ABTB3: variants seen among roughly 807,000 people sequenced by gnomAD.
The protein encoded by ABTB3 is ankyrin repeat- and BTB/POZ domain-containing protein 3.
chr12:107,370,472 G>A, the ABTB3 span, among the ~76,000 whole-genome samples: 1 of 152,242 alleles, frequency 6.6e-6, no homozygotes, highest in Non-Finnish European at 1.5e-5. Flanking sequence ...TCAGAGTGTG[G>A]CTCTTGCCTG....
the ABTB3 span, chr12:107,520,464 C>T: frequency 6.2e-7 from 1 of 1,607,360 alleles, no homozygotes; most frequent in Non-Finnish European, 8.5e-7. Context: ...TCCTTTCATT[C>T]TCTGTCTCCC....
chr12:107,352,621 G>A, the ABTB3 span, among the ~76,000 whole-genome samples: 1 of 152,298 alleles, frequency 6.6e-6, no homozygotes, highest in South Asian at 2.1e-4. Context: ...CTACCTGTGA[G>A]AGCGTGCCTT....
chr12:107,384,846 C>T, the ABTB3 span, among the ~76,000 whole-genome samples: 1 of 152,178 alleles, frequency 6.6e-6, no homozygotes, highest in Non-Finnish European at 1.5e-5. Context: ...CTACAGCCTC[C>T]ACTGCAGGAG....
chr12:107,411,427 T>C, the ABTB3 span, among the ~76,000 whole-genome samples: 37 of 152,368 alleles, frequency 2.4e-4, no homozygotes, highest in African/African-American at 8.7e-4. Context: ...GCTGGGGTAT[T>C]ATGTGAATCA....
At chr12:107,381,314 G>A in the ABTB3 span, among the ~76,000 whole-genome samples, 1 of 152,242 alleles carries the variant, frequency 6.6e-6, no homozygotes, top group African/African-American at 2.4e-5. Flanking sequence ...AATGGATGTG[G>A]AGCCTCTGCA....
the ABTB3 span, chr12:107,544,132 G>A: frequency 6.2e-7 from 1 of 1,613,908 alleles, no homozygotes; most frequent in South Asian, 1.1e-5. Context: ...CAACCTCCAG[G>A]TGGAAAGGTA....
the ABTB3 span, among the ~76,000 whole-genome samples, chr12:107,450,480 T>C: frequency 6.6e-6 from 1 of 152,156 alleles, no homozygotes; most frequent in Non-Finnish European, 1.5e-5. Flanking sequence ...GCTTGGGTCC[T>C]GGCAACACAG....
At chr12:107,440,208 C>T in the ABTB3 span, among the ~76,000 whole-genome samples, 7 of 152,214 alleles carry the variant, frequency 4.6e-5, no homozygotes, top group Non-Finnish European at 8.8e-5. Flanking sequence ...ACATAGACTG[C>T]CTGGCTTGTA....
At chr12:107,468,078 C>T in the ABTB3 span, among the ~76,000 whole-genome samples, 4 of 152,122 alleles carry the variant, frequency 2.6e-5, no homozygotes, top group South Asian at 2.1e-4. Context: ...TTTTCACAAC[C>T]GAGAAACGCC....
chr12:107,333,254 C>T, the ABTB3 span, among the ~76,000 whole-genome samples: 1 of 152,172 alleles, frequency 6.6e-6, no homozygotes, highest in Non-Finnish European at 1.5e-5. Context: ...AAGTGTATAT[C>T]TAAGTCAGAT....
chr12:107,369,362 A>C, the ABTB3 span, among the ~76,000 whole-genome samples: 1 of 149,626 alleles, frequency 6.7e-6, no homozygotes, highest in Admixed American at 6.6e-5. Context: ...ATGAGATGCA[A>C]CCTTTATTAT....
At chr12:107,641,181 T>TC in the ABTB3 span, among the ~76,000 whole-genome samples, 1 of 152,012 alleles carries the variant, frequency 6.6e-6, no homozygotes. Flanking sequence ...GAATCTCCAG[T>TC]CCCCCCACCA....
the ABTB3 span, among the ~76,000 whole-genome samples, chr12:107,623,097 G>C: frequency 7.3e-6 from 1 of 137,602 alleles, no homozygotes; most frequent in South Asian, 2.2e-4. Context: ...GTCTTGCTCT[G>C]TTGCCCAGGC....
At chr12:107,320,563 C>T in the ABTB3 span, 1 of 456,056 alleles carries the variant, frequency 2.2e-6, no homozygotes, top group South Asian at 1.5e-5. Flanking sequence ...ACGCAGTGCA[C>T]GGGGGAAGGA....
the ABTB3 span, among the ~76,000 whole-genome samples, chr12:107,330,125 G>A: frequency 1.3e-5 from 2 of 152,196 alleles, no homozygotes; most frequent in African/African-American, 4.8e-5. Context: ...CCTGTGGCAG[G>A]GGAGAGCATG....
chr12:107,503,756 C>CAAAAAAAAAAAA, the ABTB3 span, among the ~76,000 whole-genome samples: 650 of 70,566 alleles, frequency 9.2e-3, 34 homozygotes, highest in African/African-American at 0.027. Flanking sequence ...GACCCTATCT[C>CAAAAAAAAAAAA]AAAAAAAAAA....
At chr12:107,499,403 G>A in the ABTB3 span, among the ~76,000 whole-genome samples, 1 of 151,904 alleles carries the variant, frequency 6.6e-6, no homozygotes, top group Non-Finnish European at 1.5e-5. Flanking sequence ...GTGCCTGTGT[G>A]CAAACTTCAG....
the ABTB3 span, among the ~76,000 whole-genome samples, chr12:107,653,916 CTG>C: frequency 6.6e-6 from 1 of 152,198 alleles, no homozygotes; most frequent in East Asian, 1.9e-4. Context: ...CAAACTGAAA[CTG>C]TACCCTTTAA....
At chr12:107,520,703 C>T in the ABTB3 span, 8 of 1,583,644 alleles carry the variant, frequency 5.1e-6, no homozygotes, top group Admixed American at 3.4e-5. Flanking sequence ...CGAAGTGACA[C>T]AATGTCCTCA....
Sources: gnomAD v4.1 joint callset for allele counts (sites outside exome capture counted in the v4.1 genomes callset) on GRCh38, gnomAD v4.1.1 for gene constraint, MANE v1.5 for transcripts, NCBI Gene and HGNC (gene_info 2026-07-23, HGNC 2026-07-21) for gene names.